CCDC38: variants seen among roughly 807,000 people sequenced by gnomAD.
CCDC38 encodes the protein coiled-coil domain-containing protein 38.
Under a neutral mutation model 72.8 loss-of-function variants are expected in CCDC38, and 69 were observed. The ratio of observed to expected loss-of-function variants is 0.95; its 90% CI spans 0.78 to 1.16. CCDC38 has a LOEUF of 1.16. Among genes scored for constraint, CCDC38 ranks in the 50% most tolerant of loss-of-function variants. The probability of loss-of-function intolerance (pLI) is 0.00; values close to 1 mark genes in which losing one functional copy is unlikely to be tolerated. For synonymous variants in CCDC38, 201 were observed against 213.2 expected (o/e 0.94, Z 0.50); for missense variants, 626 against 638.9 (o/e 0.98, Z 0.22).
chr12:95,898,341 G>C (rs746045176), intron 7 of CCDC38, 44 bp downstream of exon 7: 1 of 1,576,550 alleles, frequency 6.3e-7, no homozygotes, highest in Non-Finnish European at 8.7e-7. Context: ...AGGTTTTAAT[G>C]GGTCGTGGAA....
intron 10 of CCDC38, among the ~76,000 whole-genome samples, chr12:95,886,537 A>G (rs574290964): frequency 4.7e-4 from 71 of 152,280 alleles, no homozygotes; most frequent in African/African-American, 1.7e-3. Flanking sequence ...CAATCTATAC[A>G]CTCAGAGAAA....
intron 4 of CCDC38, among the ~76,000 whole-genome samples, chr12:95,908,729 G>A (rs901052766): frequency 6.7e-6 from 1 of 149,140 alleles, no homozygotes; most frequent in African/African-American, 2.5e-5. Flanking sequence ...ACCTAAGCTT[G>A]TGCTGTACCA....
chr12:95,943,215 G>T, upstream of CCDC38: 1 of 601,634 alleles, frequency 1.7e-6, no homozygotes, highest in Admixed American at 4.2e-5. Context: ...TGCCATTCTT[G>T]CAATGATTAC....
intron 1 of CCDC38, among the ~76,000 whole-genome samples, chr12:95,941,774 C>T (rs1003905061): frequency 3.9e-5 from 6 of 152,040 alleles, no homozygotes; most frequent in African/African-American, 1.5e-4. Flanking sequence ...TATGTATAAA[C>T]TTTTTAAAAG....
At chr12:95,900,064 A>G (rs2121480602) in intron 5 of CCDC38, among the ~76,000 whole-genome samples, 1 of 152,270 alleles carries the variant, frequency 6.6e-6, no homozygotes, top group African/African-American at 2.4e-5. Flanking sequence ...TTGGTGAAAA[A>G]GTAATTGTGG....
intron 4 of CCDC38, among the ~76,000 whole-genome samples, chr12:95,916,379 G>GCCTGCCTTCCTT (rs1457231674): frequency 3.8e-4 from 56 of 147,454 alleles, no homozygotes; most frequent in Non-Finnish European, 6.6e-4. Flanking sequence ...TTGCCTGCCT[G>GCCTGCCTTCCTT]CCTTCCTTCC....
At chr12:95,875,621 A>G (rs10507065) in intron 13 of CCDC38, among the ~76,000 whole-genome samples, 27,812 of 152,194 alleles carry the variant, frequency 0.18, 2,766 homozygotes, top group African/African-American at 0.26. Flanking sequence ...GAGAGCTGAA[A>G]AAATGGAGGT....
In CCDC38 at chr12:95,942,500, G is replaced by A. The variant is rs936680835; in HGVS notation, c.-84C>T. On this transcript the variant is annotated 5_prime_UTR_variant, in exon 1 of 16. Coordinates refer to ENST00000344280, the MANE Select transcript of CCDC38 (RefSeq NM_182496.3). The stretch of plus-strand genomic sequence containing the variant: ...GAAGGCGTTGTGGGAAAAGTGGGCG[G>A]AGGTGCCAATCGATCCTCCAGTCTC... 6.6e-6 allele frequency: 1 copy of A among 152,242 alleles called. No homozygotes were observed. The highest frequency in any genetic ancestry group is 2.4e-5 in the African/African-American group (1 of 41,426). 9.4% of individuals were successfully genotyped at this position (152,242 alleles called of 1,614,324 possible). A position where few individuals can be genotyped will look rare whatever the true frequency, so the allele number is the denominator to read the frequency against.
At chr12:95,904,073 AT>A (rs1462254980) in intron 5 of CCDC38, among the ~76,000 whole-genome samples, 1 of 150,242 alleles carries the variant, frequency 6.7e-6, no homozygotes, top group Non-Finnish European at 1.5e-5. Flanking sequence ...TAAAGCTACC[AT>A]TTATTTCTTT....
chr12:95,929,547 G>T (rs911294641), intron 2 of CCDC38, among the ~76,000 whole-genome samples: 6 of 152,092 alleles, frequency 3.9e-5, no homozygotes, highest in Non-Finnish European at 8.8e-5. Flanking sequence ...TTCCTATTCG[G>T]CCATCTTGGC....
intron 4 of CCDC38, among the ~76,000 whole-genome samples, chr12:95,912,546 G>T (rs913860709): frequency 1.3e-5 from 2 of 152,160 alleles, no homozygotes; most frequent in Non-Finnish European, 2.9e-5. Flanking sequence ...GTGTGCTGTA[G>T]CGCTGTAAGG....
At chr12:95,943,037 C>T, upstream of CCDC38, 1 of 182,512 alleles carries the variant, frequency 5.5e-6, no homozygotes, top group Non-Finnish European at 1.1e-5. Context: ...CAACCCTTGA[C>T]GCGCTTCCAC....
intron 2 of CCDC38, among the ~76,000 whole-genome samples, chr12:95,932,472 T>C (rs776800652): frequency 1.6e-4 from 25 of 152,204 alleles, no homozygotes; most frequent in Non-Finnish European, 3.2e-4. Context: ...CATACCAATA[T>C]TAAGTATCTT....
At chr12:95,908,425 T>C (rs1213624369) in intron 4 of CCDC38, among the ~76,000 whole-genome samples, 3 of 102,542 alleles carry the variant, frequency 2.9e-5, no homozygotes, top group Non-Finnish European at 5.6e-5. Context: ...CAGTCCAGCT[T>C]CAGAGGGAGA....
At chr12:95,933,633 A>C (rs1198770604) in intron 2 of CCDC38, 4 of 152,226 alleles carry the variant, frequency 2.6e-5, no homozygotes, top group Non-Finnish European at 5.9e-5. Flanking sequence ...TTATTATCTG[A>C]AGTTGAATAC....
At chr12:95,919,815 A>G (rs2080184944) in intron 2 of CCDC38, among the ~76,000 whole-genome samples, 1 of 152,224 alleles carries the variant, frequency 6.6e-6, no homozygotes, top group African/African-American at 2.4e-5. Flanking sequence ...AGTCTTAAAA[A>G]AGAAAGTCAA....
intron 4 of CCDC38, among the ~76,000 whole-genome samples, chr12:95,912,058 T>C (rs2080100435): frequency 6.6e-6 from 1 of 152,182 alleles, no homozygotes; most frequent in Non-Finnish European, 1.5e-5. Context: ...AATAATGTCC[T>C]TTGCAGCAAC....
upstream of CCDC38, chr12:95,943,120 A>G: frequency 2.5e-6 from 1 of 403,238 alleles, no homozygotes. Context: ...TCTGAAAAGT[A>G]GGGACACTAG....
intron 2 of CCDC38, among the ~76,000 whole-genome samples, chr12:95,926,482 CA>C (rs2080272450): frequency 6.6e-6 from 1 of 151,830 alleles, no homozygotes. Context: ...TTGATCCTTT[CA>C]AAAAACCAGC....
Sources: allele counts gnomAD v4.1 joint callset (sites outside exome capture counted in the v4.1 genomes callset), GRCh38; gene constraint gnomAD v4.1.1; transcripts MANE v1.5; gene names NCBI Gene and HGNC (gene_info 2026-07-23, HGNC 2026-07-21).